The following DPP6 variants were observed in gnomAD, a reference collection of about 807,000 sequenced individuals.
DPP6 encodes A-type potassium channel modulatory protein DPP6.
In DPP6, 69 loss-of-function variants were observed where a neutral mutation model predicts 122.6. That is an observed-to-expected ratio of 0.56 (90% CI 0.46 to 0.69). The LOEUF is 0.69. Ranked by LOEUF, DPP6 falls within the 30% of genes least tolerant of loss-of-function variation. The pLI is 0.00. For synonymous variants in DPP6, 418 were observed against 433.1 expected, an observed-to-expected ratio of 0.97 and a Z score of 0.43; for missense variants, 928 against 1,116.9, an observed-to-expected ratio of 0.83 and a Z score of 2.41.
chr7:154,687,134 T>A (rs1000129379), intron 7 of DPP6, among the ~76,000 whole-genome samples: 5 of 152,168 alleles, frequency 3.3e-5, no homozygotes, highest in Non-Finnish European at 7.3e-5. Flanking sequence ...TACAGTAACA[T>A]GAGTGTAGAC....
chr7:154,592,559 G>A (rs575679822), intron 5 of DPP6, among the ~76,000 whole-genome samples: 2 of 152,276 alleles, frequency 1.3e-5, no homozygotes, highest in East Asian at 1.9e-4. Context: ...GGCAGGACAC[G>A]TGCTCCACAG....
chr7:153,949,855 C>A (rs560126727), intron 1 of DPP6, among the ~76,000 whole-genome samples: 1 of 152,294 alleles, frequency 6.6e-6, no homozygotes, highest in African/African-American at 2.4e-5. Context: ...TGGGAACCAG[C>A]TGGTGGGAAT....
intron 4 of DPP6, among the ~76,000 whole-genome samples, chr7:154,548,914 A>G (rs972057697): frequency 6.6e-6 from 1 of 152,200 alleles, no homozygotes; most frequent in African/African-American, 2.4e-5. Flanking sequence ...GTCCTTGAAC[A>G]TGGGAGAAAA....
At position 154,869,436 on chromosome 7, in the gene DPP6, G is replaced by A. The variant is rs1314511564; in HGVS notation, c.1813+1343G>A. ...GAATTCAGAGAAGAGCATGAGACTG[G>A]GCTGGGGACATGTGGGAATGCTCAC... On this transcript the variant is annotated intron_variant, in intron 18 of 25. Transcript: ENST00000377770. Among the ~76,000 whole-genome samples, 3 of 152,366 alleles carry A rather than the reference G, an allele frequency of 2.0e-5. No individual in the cohort carries two copies. The East Asian group carries it at 5.8e-4, about 29-fold the overall frequency.
At chr7:153,846,748 A>T in the DPP6 span, among the ~76,000 whole-genome samples, 9 of 130,436 alleles carry the variant, frequency 6.9e-5, no homozygotes, top group Non-Finnish European at 1.4e-4. Context: ...GCTGGAGTGC[A>T]GTGGCGCAAT....
At chr7:153,883,325 G>A (rs1230622432), upstream of DPP6, among the ~76,000 whole-genome samples, 1 of 152,148 alleles carries the variant, frequency 6.6e-6, no homozygotes, top group Non-Finnish European at 1.5e-5. Flanking sequence ...TATAGAAATT[G>A]AGAACCATCT....
chr7:154,778,357 G>A (rs1425794892), intron 10 of DPP6, among the ~76,000 whole-genome samples: 8 of 151,978 alleles, frequency 5.3e-5, no homozygotes, highest in Non-Finnish European at 1.2e-4. Flanking sequence ...CAACCTCATG[G>A]CCTTCTCTGC....
chr7:154,387,631 C>T (rs1814231623), intron 1 of DPP6, among the ~76,000 whole-genome samples: 1 of 152,180 alleles, frequency 6.6e-6, no homozygotes, highest in Non-Finnish European at 1.5e-5. Context: ...GAAGCTGTCT[C>T]CTTCACCAGC....
chr7:153,938,256 T>A (rs1322498394), intron 1 of DPP6, among the ~76,000 whole-genome samples: 6 of 152,236 alleles, frequency 3.9e-5, no homozygotes, highest in African/African-American at 1.2e-4. Flanking sequence ...TTGCCCCAGA[T>A]GAGCAGGTAA....
At chr7:153,891,626 G>A (rs75398364) in intron 1 of DPP6, among the ~76,000 whole-genome samples, 4,744 of 152,208 alleles carry the variant, frequency 0.031, 229 homozygotes, top group African/African-American at 0.11. Flanking sequence ...TAGGTTCTGA[G>A]GTTAATGGGA....
chr7:154,340,032 C>T (rs962617993), intron 1 of DPP6, among the ~76,000 whole-genome samples: 1 of 152,014 alleles, frequency 6.6e-6, no homozygotes, highest in Non-Finnish European at 1.5e-5. Context: ...AAGATTGCGC[C>T]ACTGCACTCC....
intron 1 of DPP6, among the ~76,000 whole-genome samples, chr7:154,152,884 C>T (rs1796493472): frequency 6.6e-6 from 1 of 152,248 alleles, no homozygotes; most frequent in Admixed American, 6.5e-5. Context: ...CTGCAAGTAC[C>T]TGCCCAAATG....
At chr7:153,812,096 CT>C in the DPP6 span, among the ~76,000 whole-genome samples, 1 of 152,090 alleles carries the variant, frequency 6.6e-6, no homozygotes, top group South Asian at 2.1e-4. Flanking sequence ...TCCGTGGGCA[CT>C]TTTTTCTCCT....
the DPP6 span, among the ~76,000 whole-genome samples, chr7:153,771,376 G>A: frequency 5.3e-5 from 8 of 152,312 alleles, no homozygotes; most frequent in African/African-American, 1.7e-4. Flanking sequence ...GTCTCACTCT[G>A]CCTCCCAGGC....
intron 1 of DPP6, among the ~76,000 whole-genome samples, chr7:154,164,404 CGTT>C (rs1797138934): frequency 6.6e-6 from 1 of 152,044 alleles, no homozygotes; most frequent in Admixed American, 6.6e-5. Flanking sequence ...AAAACATTGT[CGTT>C]GTGTTTGACT....
rs1265675063 is a variant in DPP6 at position 154,354,871 on chromosome 7, G to A, written c.244-91343G>A. Among the ~76,000 whole-genome samples, 8 of 152,338 alleles carry A rather than the reference G, an allele frequency of 5.3e-5. No individual in the cohort carries two copies. The South Asian group carries it at 1.2e-3, about 24-fold the overall frequency. On this transcript the variant is annotated intron_variant, in intron 1 of 25. Coordinates refer to ENST00000377770, the MANE Select transcript of DPP6 (RefSeq NM_130797.4). Reference sequence around the variant, plus strand: ...GTATGTTCAGTGCATAAGTGCATGCGTTTATATTGATGGTTGTGAGCTATG... The same window carrying A: ...GTATGTTCAGTGCATAAGTGCATGCATTTATATTGATGGTTGTGAGCTATG...
intron 1 of DPP6, among the ~76,000 whole-genome samples, chr7:153,968,410 T>C: frequency 6.6e-6 from 1 of 152,180 alleles, no homozygotes; most frequent in Admixed American, 6.5e-5. Flanking sequence ...GGTTATTTGC[T>C]TTTTGCTTGT....
At chr7:154,499,195 C>T (rs1586461841) in intron 3 of DPP6, among the ~76,000 whole-genome samples, 1 of 152,182 alleles carries the variant, frequency 6.6e-6, no homozygotes, top group African/African-American at 2.4e-5. Context: ...GACTGGCAGG[C>T]TCTACAAGAA....
At position 154,875,985 on chromosome 7, in the gene DPP6, G is replaced by A. The variant is rs754956612; in HGVS notation, c.1963G>A (p.Ala655Thr). Residue 655 changes from alanine to threonine, a missense_variant, in exon 20 of 26, where the codon GCG becomes ACG. Transcript: ENST00000377770. This position sits in a 1 kb window ranked among gnomAD's most constrained non-coding sequence, Gnocchi z 4.5. ...GACGGTGATGGTGAGCAGCCACGGCGCGGTGGTGGTAAAGTGTGACGGCCG... is the reference window on the plus strand; with the variant it reads ...GACGGTGATGGTGAGCAGCCACGGCACGGTGGTGGTAAAGTGTGACGGCCG... ...WETVMVSSHGAVVVKCDGRGS... is the reference protein window; with the variant it reads ...WETVMVSSHGTVVVKCDGRGS... The A allele has an allele frequency of 1.7e-5, 27 of 1,613,494 alleles. No individual in the cohort carries two copies. The highest frequency in any genetic ancestry group is 1.1e-4 in the African/African-American group (8 of 74,908).
Sources: allele counts gnomAD v4.1 joint callset (sites outside exome capture counted in the v4.1 genomes callset), GRCh38; gene constraint gnomAD v4.1.1; non-coding constraint Gnocchi (gnomAD v3.1); transcripts MANE v1.5; gene names NCBI Gene and HGNC (gene_info 2026-07-23, HGNC 2026-07-21).